The following WDR70 variants were observed in gnomAD, a reference collection of about 807,000 sequenced individuals.
The protein encoded by WDR70 is WD repeat domain 70, also known as WD repeat-containing protein 70.
A neutral mutation model predicts 88.6 loss-of-function variants in WDR70; 53 were observed. That is an observed-to-expected ratio of 0.60 (90% CI 0.48 to 0.75). The LOEUF (loss-of-function observed/expected upper bound fraction) is 0.75, where lower values mean the gene tolerates loss of function less well. WDR70 is among the 30% of genes least tolerant of loss of function. WDR70 has a pLI of 0.00. For missense variants in WDR70, 610 were observed against 823.2 expected (o/e 0.74, Z 3.17); for synonymous variants, 280 against 270.0 (o/e 1.04, Z -0.36).
chr5:37,659,388 A>G (rs1561055385), intron 10 of WDR70, among the ~76,000 whole-genome samples: 1 of 152,040 alleles, frequency 6.6e-6, no homozygotes, highest in Non-Finnish European at 1.5e-5. Flanking sequence ...TTCAGTTTCC[A>G]ATAGATTTTG....
At chr5:37,598,087 C>A (rs991728399) in intron 9 of WDR70, among the ~76,000 whole-genome samples, 47 of 152,072 alleles carry the variant, frequency 3.1e-4, no homozygotes, top group African/African-American at 9.9e-4. Context: ...ATACAGCCTT[C>A]CCCCTATTGA....
At chr5:37,428,846 A>G (rs1413993341) in intron 5 of WDR70, among the ~76,000 whole-genome samples, 1 of 152,186 alleles carries the variant, frequency 6.6e-6, no homozygotes, top group Non-Finnish European at 1.5e-5. Context: ...AGTGATTATT[A>G]CCATTTTACA....
intron 17 of WDR70, among the ~76,000 whole-genome samples, chr5:37,735,715 C>A (rs1748287162): frequency 6.6e-6 from 1 of 152,128 alleles, no homozygotes; most frequent in Non-Finnish European, 1.5e-5. Context: ...TGAAAGGAAG[C>A]TAATATTTAA....
At chr5:37,649,733 C>CTTTTTTTT (rs70978834) in intron 10 of WDR70, among the ~76,000 whole-genome samples, 3,672 of 68,726 alleles carry the variant, frequency 0.053, 232 homozygotes, top group Non-Finnish European at 0.062. Context: ...GTTATTACTT[C>CTTTTTTTT]TTTTTTTTTT....
intron 10 of WDR70, among the ~76,000 whole-genome samples, chr5:37,619,248 C>T (rs1447380212): frequency 6.8e-6 from 1 of 147,622 alleles, no homozygotes; most frequent in Non-Finnish European, 1.5e-5. Flanking sequence ...TATCAATTGG[C>T]AATATGGAGT....
intron 9 of WDR70, among the ~76,000 whole-genome samples, chr5:37,533,998 G>A (rs1432318486): frequency 1.3e-5 from 2 of 152,200 alleles, no homozygotes; most frequent in East Asian, 1.9e-4. Flanking sequence ...CTGCAGTGGT[G>A]ATCCAGTTAC....
chr5:37,732,913 A>T (rs1222551577), intron 17 of WDR70, among the ~76,000 whole-genome samples: 2 of 152,056 alleles, frequency 1.3e-5, no homozygotes, highest in Admixed American at 6.6e-5. Flanking sequence ...CTCCCGTCCA[A>T]TATTAGTCTT....
At chr5:37,388,944 A>G (rs1394133174) in intron 3 of WDR70, among the ~76,000 whole-genome samples, 1 of 152,030 alleles carries the variant, frequency 6.6e-6, no homozygotes, top group Non-Finnish European at 1.5e-5. Context: ...CAGCCTCAGT[A>G]TCTTTTCCTG....
chr5:37,648,141 C>T (rs7702644), intron 10 of WDR70, among the ~76,000 whole-genome samples: 86,606 of 151,528 alleles, frequency 0.57, 24,898 homozygotes, highest in African/African-American at 0.61. Context: ...AGAAACCTTA[C>T]ATAGGGTGAG....
chr5:37,497,939 G>A (rs1170302552), intron 8 of WDR70, among the ~76,000 whole-genome samples: 1 of 151,708 alleles, frequency 6.6e-6, no homozygotes, highest in Non-Finnish European at 1.5e-5. Flanking sequence ...CTCATGCTTC[G>A]GCCTCCCGAG....
chr5:37,448,468 A>T (rs1374259697), intron 7 of WDR70, among the ~76,000 whole-genome samples: 1 of 152,212 alleles, frequency 6.6e-6, no homozygotes, highest in African/African-American at 2.4e-5. Flanking sequence ...GGTAGAAAAT[A>T]TAGACGCGTA....
chr5:37,379,577 G>C (rs751198244), intron 2 of WDR70, 23 bp downstream of exon 2: 1 of 1,613,512 alleles, frequency 6.2e-7, no homozygotes, highest in Non-Finnish European at 8.5e-7. Context: ...CCCAGGCAGA[G>C]ACCCTCTTCC....
intron 7 of WDR70, among the ~76,000 whole-genome samples, chr5:37,469,963 C>A (rs1739275413): frequency 6.6e-6 from 1 of 152,134 alleles, no homozygotes; most frequent in Admixed American, 6.5e-5. Context: ...GAACATTCTT[C>A]TTCCTTTACA....
intron 8 of WDR70, among the ~76,000 whole-genome samples, chr5:37,515,226 T>C (rs117353585): frequency 6.6e-6 from 1 of 152,290 alleles, no homozygotes; most frequent in East Asian, 1.9e-4. Flanking sequence ...TGAATCTGTG[T>C]AGATAGAAGG....
intron 8 of WDR70, among the ~76,000 whole-genome samples, chr5:37,501,410 G>A (rs1412334581): frequency 1.3e-5 from 2 of 152,046 alleles, no homozygotes; most frequent in African/African-American, 2.4e-5. Flanking sequence ...ATACAGGGAT[G>A]TCCAGTCTTT....
At chr5:37,604,327 G>T (rs534485127) in intron 9 of WDR70, among the ~76,000 whole-genome samples, 1 of 152,308 alleles carries the variant, frequency 6.6e-6, no homozygotes, top group East Asian at 1.9e-4. Context: ...TAAGGATGTT[G>T]TTCCATAGTG....
At chr5:37,470,146 C>T (rs1220050901) in intron 7 of WDR70, among the ~76,000 whole-genome samples, 1 of 138,556 alleles carries the variant, frequency 7.2e-6, no homozygotes, top group East Asian at 2.1e-4. Context: ...CAAAAAAAAA[C>T]GCACAAAAAT....
intron 5 of WDR70, among the ~76,000 whole-genome samples, chr5:37,417,597 G>A (rs976910548): frequency 1.3e-5 from 2 of 151,840 alleles, no homozygotes; most frequent in African/African-American, 4.8e-5. Flanking sequence ...GGAGTGCAGT[G>A]GCACAATCAT....
At position 37,741,880 on chromosome 5, in the gene WDR70, G is replaced by A. The variant is rs552349726; in HGVS notation, c.1878-10606G>A. 1.2e-3 allele frequency among the ~76,000 whole-genome samples: 178 copies of A among 152,104 alleles called. 1 individual carries two copies. Among genetic ancestry groups the A allele is most frequent in the Non-Finnish European group, 2.0e-3 (135 of 68,018 alleles). The stretch of plus-strand genomic sequence containing the variant: ...AACAGTTTTTGTCTTTCTGTGACTG[G>A]CCAATTTCACTTAGCATACTGTCTT... On this transcript the variant is annotated intron_variant, in intron 17 of 17. Coordinates refer to ENST00000265107, the MANE Select transcript of WDR70 (RefSeq NM_018034.4).
Sources: allele counts gnomAD v4.1 joint callset (sites outside exome capture counted in the v4.1 genomes callset), GRCh38; gene constraint gnomAD v4.1.1; transcripts MANE v1.5; gene names NCBI Gene and HGNC (gene_info 2026-07-23, HGNC 2026-07-21).